TRAF3: variants seen among roughly 807,000 people sequenced by gnomAD.
TRAF3 encodes the protein TNF receptor associated factor 3.
In TRAF3, 13 loss-of-function variants were observed where a neutral mutation model predicts 62.3. The observed-to-expected ratio is 0.21, with a 90% CI of 0.14 to 0.33. The LOEUF is 0.33. TRAF3 is among the 10% of genes least tolerant of loss of function. The pLI, the probability that TRAF3 is intolerant of heterozygous loss-of-function variation, is 1.00. For synonymous variants in TRAF3, 269 were observed against 283.4 expected, an observed-to-expected ratio of 0.95 and a Z score of 0.51; for missense variants, 440 against 741.8, an observed-to-expected ratio of 0.59 and a Z score of 4.73.
Position 102,905,760 on chromosome 14 carries a change from T to C in TRAF3, c.1683T>C (p.Asp561=). The C allele has an allele frequency of 6.2e-7, 1 of 1,613,694 alleles. No individual in the cohort carries two copies. The highest frequency in any genetic ancestry group is 8.5e-7 in the Non-Finnish European group (1 of 1,179,828). ...DDTIFIKVIV[D]TSDLPDP is the part of the protein sequence containing the mutation. ...CAATTTTTATTAAAGTCATAGTGGA[T>C]ACTTCGGATCTGCCCGATCCCTGAT... Residue 561 remains aspartate, a synonymous_variant, in exon 12 of 12, where the codon GAT becomes GAC. Coordinates refer to ENST00000392745, the MANE Select transcript of TRAF3 (RefSeq NM_145725.3).
At position 102,903,069 on chromosome 14, in the gene TRAF3, G is replaced by A. The variant is rs1336607845; in HGVS notation, c.961-186G>A. Reference sequence around the variant, plus strand: ...GTGCTCCCTGCCGGCACAAGCACTTGATCCCAGGGAGCTCCCAGGAGGCCT... The same window carrying A: ...GTGCTCCCTGCCGGCACAAGCACTTAATCCCAGGGAGCTCCCAGGAGGCCT... On this transcript the variant is annotated intron_variant, in intron 10 of 11. Transcript: ENST00000392745. The surrounding 1 kb of genome is among the most constrained non-coding windows in gnomAD (Gnocchi z 6.4). 1 of 764,182 alleles carries A rather than the reference G, an allele frequency of 1.3e-6. No individual in the cohort carries two copies. The highest frequency in any genetic ancestry group is 2.3e-6 in the Non-Finnish European group (1 of 442,876). 47.3% of individuals were successfully genotyped at this position (764,182 alleles called of 1,614,324 possible). A position where few individuals can be genotyped will look rare whatever the true frequency, so the allele number is the denominator to read the frequency against.
intron 1 of TRAF3, among the ~76,000 whole-genome samples, chr14:102,792,533 A>G (rs1897857667): frequency 6.6e-6 from 1 of 151,030 alleles, no homozygotes; most frequent in African/African-American, 2.4e-5. Flanking sequence ...CAGACTCCCA[A>G]AATGCTGGGA....
intron 2 of TRAF3, among the ~76,000 whole-genome samples, chr14:102,838,112 G>C: frequency 6.6e-6 from 1 of 152,342 alleles, no homozygotes; most frequent in Non-Finnish European, 1.5e-5. Context: ...GTAACGTATC[G>C]TGTTGTGAAG....
At chr14:102,779,833 A>C (rs1030919880) in intron 1 of TRAF3, among the ~76,000 whole-genome samples, 1 of 152,250 alleles carries the variant, frequency 6.6e-6, no homozygotes, top group Admixed American at 6.5e-5. Context: ...AAGACTCTCC[A>C]AACAGCAAGT....
chr14:102,871,006 A>G (rs1888310825), intron 3 of TRAF3, among the ~76,000 whole-genome samples: 1 of 152,188 alleles, frequency 6.6e-6, no homozygotes, highest in African/African-American at 2.4e-5. Flanking sequence ...TTACTGCAGA[A>G]TAGCATCGGC....
At chr14:102,863,322 A>G (rs1474077043) in intron 2 of TRAF3, among the ~76,000 whole-genome samples, 2 of 152,196 alleles carry the variant, frequency 1.3e-5, no homozygotes, top group Non-Finnish European at 2.9e-5. Context: ...AGCTAATTTT[A>G]TATAGTATAT....
At chr14:102,785,294 A>G (rs1410671102) in intron 1 of TRAF3, among the ~76,000 whole-genome samples, 1 of 152,182 alleles carries the variant, frequency 6.6e-6, no homozygotes, top group Non-Finnish European at 1.5e-5. Flanking sequence ...TTCTTACAGC[A>G]GCCTCCTCGG....
intron 1 of TRAF3, among the ~76,000 whole-genome samples, chr14:102,778,528 C>T (rs1897133119): frequency 6.6e-6 from 1 of 152,156 alleles, no homozygotes; most frequent in South Asian, 2.1e-4. Flanking sequence ...TTGTATTTCA[C>T]GTTTTTCGAA....
chr14:102,815,835 A>G (rs895558361), intron 1 of TRAF3, among the ~76,000 whole-genome samples: 12 of 152,200 alleles, frequency 7.9e-5, no homozygotes, highest in Admixed American at 7.8e-4. Flanking sequence ...TGCAGGAAAA[A>G]CTACCATTTA....
At chr14:102,871,414 C>T (rs1888335824) in intron 3 of TRAF3, among the ~76,000 whole-genome samples, 1 of 152,244 alleles carries the variant, frequency 6.6e-6, no homozygotes, top group Non-Finnish European at 1.5e-5. Flanking sequence ...GGAGAAGCTT[C>T]CCGGTGGAGG....
At chr14:102,831,686 A>C (rs1319778727) in intron 2 of TRAF3, among the ~76,000 whole-genome samples, 1 of 152,082 alleles carries the variant, frequency 6.6e-6, no homozygotes, top group Non-Finnish European at 1.5e-5. Context: ...CCCAGAATAC[A>C]AGAGCCTTTC....
In TRAF3 at chr14:102,813,427, CT is replaced by C. The variant is rs1163240875; in HGVS notation, c.-156-16906del. ...AGAAATGTCTGTTCAGGTAATCCCC[CT>C]GCCCCGGCTTTTTTCTTTTCTTTTC... On this transcript the variant is annotated intron_variant, in intron 1 of 11. Transcript: ENST00000392745. Among the ~76,000 whole-genome samples the C allele has an allele frequency of 3.9e-5, 6 of 151,998 alleles. No homozygotes were observed. In the South Asian group the frequency reaches 6.3e-4, roughly 16 times the overall value.
intron 1 of TRAF3, among the ~76,000 whole-genome samples, chr14:102,808,571 G>T (rs1188328403): frequency 6.6e-6 from 1 of 151,976 alleles, no homozygotes; most frequent in African/African-American, 2.4e-5. Context: ...GGCTTCCAAG[G>T]CAGCCTCCAA....
In TRAF3 at chr14:102,884,827, A is replaced by T. The variant is rs539474655; in HGVS notation, c.571-1362A>T. Reference sequence around the variant, plus strand: ...ACTCCGTCTCAAAAAAAAAAAAAGAAAAAGCACATATATATGTGCTTAACC... The same window carrying T: ...ACTCCGTCTCAAAAAAAAAAAAAGATAAAGCACATATATATGTGCTTAACC... On this transcript the variant is annotated intron_variant, in intron 6 of 11. Transcript: ENST00000392745. Among the ~76,000 whole-genome samples, 7 of 152,268 alleles carry T rather than the reference A, an allele frequency of 4.6e-5. No homozygotes were observed. The South Asian group carries it at 1.5e-3, about 32-fold the overall frequency.
rs114079445 is a variant in TRAF3, at chr14:102,815,000, A to G, written c.-156-15334A>G. 9.3e-3 allele frequency among the ~76,000 whole-genome samples: 1,423 copies of G among 152,194 alleles called. 19 individuals are homozygous for G. Among genetic ancestry groups the G allele is most frequent in the African/African-American group, 0.031 (1,293 of 41,510 alleles). On this transcript the variant is annotated intron_variant, in intron 1 of 11. Transcript: ENST00000392745. ...GGCCAGGCTGTAGTGCAGTGGCACA[A>G]TCATGGCTCACTGTAGCCTCGACCT...
rs1566786155 is a variant in TRAF3, at chr14:102,870,400, G to A, written c.199G>A (p.Glu67Lys). Residue 67 changes from glutamate (E) to lysine (K), a missense_variant, in exon 3 of 12, where the codon GAG (glutamate) becomes AAG (lysine). Around this residue, in one of 6 missense-constraint regions of TRAF3, gnomAD observed 255 missense variants for 424.1 expected, o/e 0.60. Coordinates refer to ENST00000392745, the MANE Select transcript of TRAF3 (RefSeq NM_145725.3). ...GGTGCTGTGCAGCCCGAAGCAGACC[G>A]AGTGTGGGCACCGCTTCTGCGAGAG... is the stretch of plus-strand genomic sequence containing the variant. The part of the protein sequence containing the change: ...HLVLCSPKQT[E>K]CGHRFCESCM... The A allele has an allele frequency of 6.2e-7, 1 of 1,614,138 alleles. No homozygotes were observed. Among genetic ancestry groups the A allele is most frequent in the Non-Finnish European group, 8.5e-7 (1 of 1,180,020 alleles).
chr14:102,802,396 T>G (rs1353995956), intron 1 of TRAF3, among the ~76,000 whole-genome samples: 11 of 134,012 alleles, frequency 8.2e-5, no homozygotes, highest in Middle Eastern at 4.8e-3. Flanking sequence ...CCTCGTGATC[T>G]GCCCGCCTCG....
In TRAF3 at chr14:102,910,617, A is replaced by G. The variant is rs1360028992; in HGVS notation, c.*4833A>G. On this transcript the variant is annotated 3_prime_UTR_variant, in exon 12 of 12. Transcript: ENST00000392745. ...GCAGCTCACTGCAAGGGCATTTTCC[A>G]CCTGATCCTGGTGTGCCCCACATGC... The G allele has an allele frequency of 6.6e-6, 1 of 152,220 alleles. No individual in the cohort carries two copies. The highest frequency in any genetic ancestry group is 2.1e-4 in the South Asian group (1 of 4,824). 9.4% of individuals were successfully genotyped at this position (152,220 alleles called of 1,614,324 possible).
chr14:102,780,431 G>A (rs1897228252), intron 1 of TRAF3, among the ~76,000 whole-genome samples: 1 of 151,844 alleles, frequency 6.6e-6, no homozygotes, highest in Admixed American at 6.6e-5. Context: ...TATTGACTAA[G>A]TTCTGCACAA....
Sources: gnomAD v4.1 joint callset for allele counts (sites outside exome capture counted in the v4.1 genomes callset) on GRCh38, gnomAD v4.1.1 for gene constraint, gnomAD v4.1.1 regional missense constraint, Gnocchi (gnomAD v3.1) non-coding constraint, MANE v1.5 for transcripts, NCBI Gene and HGNC (gene_info 2026-07-23, HGNC 2026-07-21) for gene names.